The following GUCA1C variants were observed in gnomAD, a reference collection of about 807,000 sequenced individuals.
The protein encoded by GUCA1C is guanylate cyclase activator 1C, also known as guanylyl cyclase-activating protein 3.
GUCA1C carries 15 observed loss-of-function variants against 16.2 expected under a neutral mutation model. The observed-to-expected ratio is 0.93, with a 90% confidence interval of 0.62 to 1.43. GUCA1C has a LOEUF of 1.43. Ranked by LOEUF, GUCA1C falls within the 40% of genes most tolerant of loss-of-function variation. The pLI, the probability that GUCA1C is intolerant of heterozygous loss-of-function variation, is 0.00. For missense variants in GUCA1C, 275 were observed against 244.8 expected, an observed-to-expected ratio of 1.12 and a Z score of -0.82; for synonymous variants, 78 against 85.4, an observed-to-expected ratio of 0.91 and a Z score of 0.48.
intron 1 of GUCA1C, among the ~76,000 whole-genome samples, chr3:108,922,490 C>T (rs1039638493): frequency 1.3e-5 from 2 of 152,130 alleles, no homozygotes; most frequent in Non-Finnish European, 2.9e-5. Flanking sequence ...TCTGCATCCA[C>T]ACCAACATTT....
chr3:108,947,672 C>T (rs1332132604), intron 1 of GUCA1C, among the ~76,000 whole-genome samples: 1 of 151,764 alleles, frequency 6.6e-6, no homozygotes, highest in Admixed American at 6.6e-5. Flanking sequence ...AGTATTTTTT[C>T]TTTTAAAAAA....
chr3:108,933,671 TA>T (rs1425989404), intron 1 of GUCA1C, among the ~76,000 whole-genome samples: 1 of 152,102 alleles, frequency 6.6e-6, no homozygotes. Context: ...ATTAAAAAGT[TA>T]AAAAACAGTA....
At chr3:108,942,349 T>C (rs1161126896) in intron 1 of GUCA1C, among the ~76,000 whole-genome samples, 1 of 152,186 alleles carries the variant, frequency 6.6e-6, no homozygotes, top group Non-Finnish European at 1.5e-5. Context: ...ACTAAGTCCA[T>C]CGCTCAACCT....
intron 3 of GUCA1C, 33 bp from the exon 4 acceptor site, chr3:108,908,242 T>C (rs1339862907): frequency 7.1e-7 from 1 of 1,402,892 alleles, no homozygotes; most frequent in East Asian, 2.3e-5. Flanking sequence ...TAAGAGGCTT[T>C]GTCTATACCA....
rs146701862 is a variant in GUCA1C at position 108,908,075 on chromosome 3, C to T, written c.577G>A (p.Asp193Asn). 1 of 1,613,780 alleles carries T rather than the reference C, an allele frequency of 6.2e-7. No individual in the cohort carries two copies. The highest frequency in any genetic ancestry group is 1.3e-5 in the African/African-American group (1 of 74,908). Residue 193 changes from aspartate (D) to asparagine (N), a missense_variant, in exon 4 of 4, where the codon GAC becomes AAC. Transcript: ENST00000261047. The stretch of plus-strand genomic sequence containing the variant: ...GCCTTGTCAGGAGATTTGGAGGAGT[C>T]TGTCTCCATGTCTGGCTGCTTCCCA... ...CNGKQPDMET[D>N]SSKSPDKAGL...
intron 1 of GUCA1C, 107 bp downstream of exon 1, chr3:108,953,452 T>A: frequency 1.4e-6 from 1 of 704,300 alleles, no homozygotes. Context: ...CTCCATTCAG[T>A]GGGATGTACA....
At chr3:108,948,961 T>G (rs1576558498) in intron 1 of GUCA1C, among the ~76,000 whole-genome samples, 1 of 151,850 alleles carries the variant, frequency 6.6e-6, no homozygotes, top group South Asian at 2.1e-4. Context: ...AATTCTCTTG[T>G]CTCAGCCTCC....
chr3:108,934,486 G>A (rs2953347), intron 1 of GUCA1C, among the ~76,000 whole-genome samples: 112,602 of 152,070 alleles, frequency 0.74, 42,376 homozygotes, highest in Non-Finnish European at 0.78. Flanking sequence ...AAACAGAGCT[G>A]CCATTTCACC....
At chr3:108,930,478 T>C (rs945402779) in intron 1 of GUCA1C, among the ~76,000 whole-genome samples, 4 of 152,248 alleles carry the variant, frequency 2.6e-5, no homozygotes, top group African/African-American at 9.6e-5. Context: ...TACCACAATA[T>C]TTCAGATGTT....
rs370132815 is a variant in GUCA1C at position 108,953,509 on chromosome 3, A to C, written c.204+50T>G. The C allele has an allele frequency of 1.2e-4, 141 of 1,139,688 alleles. 2 individuals carry two copies. In the African/African-American group the frequency reaches 1.8e-3, roughly 15 times the overall value. The allele number at this position is 1,139,688 out of a possible 1,614,324, so 70.6% of individuals were successfully genotyped here. The stretch of plus-strand genomic sequence containing the variant: ...ACAGGAAAAAAAAAAAAAAGGGAAG[A>C]GTGCAGAACCACAGCATTTTCAAAT... On this transcript the variant is annotated intron_variant, in intron 1 of 3. Transcript: ENST00000261047.
chr3:108,936,604 C>T (rs1221727693), intron 1 of GUCA1C, among the ~76,000 whole-genome samples: 1 of 152,156 alleles, frequency 6.6e-6, no homozygotes, highest in African/African-American at 2.4e-5. Context: ...GAATTCATTA[C>T]AATTAAATTG....
intron 1 of GUCA1C, among the ~76,000 whole-genome samples, chr3:108,932,706 G>A (rs1444698412): frequency 6.6e-6 from 1 of 152,080 alleles, no homozygotes; most frequent in Non-Finnish European, 1.5e-5. Flanking sequence ...TGGATCACCT[G>A]AAGTTGGGAG....
intron 1 of GUCA1C, among the ~76,000 whole-genome samples, chr3:108,942,634 A>C (rs4855680): frequency 0.36 from 54,779 of 151,840 alleles, 10,596 homozygotes; most frequent in Non-Finnish European, 0.43. Flanking sequence ...TCACCATATT[A>C]CCAGGTTTAA....
chr3:108,929,196 T>C (rs1356280854), intron 1 of GUCA1C, among the ~76,000 whole-genome samples: 1 of 152,214 alleles, frequency 6.6e-6, no homozygotes, highest in Admixed American at 6.5e-5. Context: ...AGAGTGCCAA[T>C]GTAAATGGTA....
intron 3 of GUCA1C, among the ~76,000 whole-genome samples, chr3:108,910,647 TTTCTTC>T (rs972511924): frequency 6.6e-6 from 1 of 151,992 alleles, no homozygotes; most frequent in Non-Finnish European, 1.5e-5. Flanking sequence ...TCAATTTTTT[TTTCTTC>T]TTCTTCTTTT....
chr3:108,922,680 A>G (rs1274360764), intron 1 of GUCA1C, among the ~76,000 whole-genome samples: 2 of 151,748 alleles, frequency 1.3e-5, no homozygotes, highest in Non-Finnish European at 2.9e-5. Flanking sequence ...CCACTTTTTT[A>G]TTATTATTAT....
chr3:108,909,322 C>T (rs1946423864), intron 3 of GUCA1C, among the ~76,000 whole-genome samples: 1 of 152,088 alleles, frequency 6.6e-6, no homozygotes, highest in South Asian at 2.1e-4. Context: ...TGAGTAGGGC[C>T]CCATGTGTGT....
Position 108,908,044 on chromosome 3 carries a change from A to T in GUCA1C, c.608T>A (p.Leu203Gln). 6.2e-7 allele frequency: 1 copy of T among 1,613,694 alleles called. No individual in the cohort carries two copies. The highest frequency in any genetic ancestry group is 8.5e-7 in the Non-Finnish European group (1 of 1,179,752). Residue 203 changes from leucine (L) to glutamine (Q), a missense_variant, in exon 4 of 4, where the codon CTA becomes CAA. By Grantham distance (113) the Leu-to-Gln change is moderately radical (BLOSUM62 -2). Transcript: ENST00000261047. ...DSSKSPDKAG[L>Q]GKVKMK ...CAGCTACTTCATTTTCACCTTCCCT[A>T]GACCAGCCTTGTCAGGAGATTTGGA...
intron 1 of GUCA1C, among the ~76,000 whole-genome samples, chr3:108,927,976 T>G (rs1052727816): frequency 3.3e-5 from 5 of 152,204 alleles, no homozygotes; most frequent in Non-Finnish European, 1.5e-5. Flanking sequence ...GTAGTAATTA[T>G]TTTTGCTCTT....
Sources: allele counts gnomAD v4.1 joint callset (sites outside exome capture counted in the v4.1 genomes callset), GRCh38; gene constraint gnomAD v4.1.1; transcripts MANE v1.5; gene names NCBI Gene and HGNC (gene_info 2026-07-23, HGNC 2026-07-21).